The following DSCAML1 variants were observed in gnomAD, a reference collection of about 807,000 sequenced individuals.
DSCAML1 encodes the protein DS cell adhesion molecule like 1.
Under a neutral mutation model 200.5 loss-of-function variants are expected in DSCAML1, and 38 were observed. The observed-to-expected ratio is 0.19, with a 90% CI of 0.15 to 0.25. The LOEUF is 0.25. DSCAML1 is among the 10% of genes least tolerant of loss of function. The pLI is 1.00. For synonymous variants in DSCAML1, 1,215 were observed against 1,165.0 expected, an observed-to-expected ratio of 1.04 and a Z score of -0.87; for missense variants, 2,223 against 2,858.8, an observed-to-expected ratio of 0.78 and a Z score of 5.07.
chr11:117,501,857 G>A (rs1194206351), intron 11 of DSCAML1, among the ~76,000 whole-genome samples: 3 of 152,230 alleles, frequency 2.0e-5, no homozygotes, highest in South Asian at 2.1e-4. Flanking sequence ...GTAAGACACC[G>A]AGGCCTGCAG....
chr11:117,598,936 A>G (rs2051413151), intron 3 of DSCAML1, among the ~76,000 whole-genome samples: 2 of 152,286 alleles, frequency 1.3e-5, no homozygotes, highest in South Asian at 4.2e-4. Context: ...TGAAAGGATA[A>G]ATGCACTAAA....
At chr11:117,561,911 A>G (rs2050670288) in intron 3 of DSCAML1, among the ~76,000 whole-genome samples, 1 of 152,232 alleles carries the variant, frequency 6.6e-6, no homozygotes, top group Admixed American at 6.5e-5. Flanking sequence ...AATGCCTGGC[A>G]CCAATAGTCA....
intron 3 of DSCAML1, among the ~76,000 whole-genome samples, chr11:117,684,390 C>T (rs1422639674): frequency 5.7e-5 from 8 of 141,578 alleles, no homozygotes; most frequent in East Asian, 2.0e-4. Context: ...AACCCATCAG[C>T]GCTTGTTTTT....
rs1017778057 is a variant in DSCAML1 at position 117,428,744 on chromosome 11, C to T, written c.5746G>A (p.Gly1916Arg). ...KSEAFFRKAD[G>R]REPCPVVPPR... Reference sequence around the variant, plus strand: ...GGGACCACGGGGCAGGGCTCACGTCCATCTGCCTTTCGAAAGAAGGCCTCT... The same window carrying T: ...GGGACCACGGGGCAGGGCTCACGTCTATCTGCCTTTCGAAAGAAGGCCTCT... Residue 1916 changes from glycine (G) to arginine (R), a missense_variant, in exon 33 of 33, where the codon GGA (glycine) becomes AGA (arginine). By Grantham distance (125) the Gly-to-Arg change is moderately radical. Coordinates refer to ENST00000651296, the MANE Select transcript of DSCAML1 (RefSeq NM_020693.4). 1.9e-6 allele frequency: 3 copies of T among 1,612,668 alleles called. No homozygotes were observed. Among genetic ancestry groups the T allele is most frequent in the South Asian group, 1.1e-5 (1 of 90,608 alleles).
At chr11:117,650,276 G>T (rs2052603247) in intron 3 of DSCAML1, among the ~76,000 whole-genome samples, 1 of 152,210 alleles carries the variant, frequency 6.6e-6, no homozygotes, top group Non-Finnish European at 1.5e-5. Flanking sequence ...AGCTAGAGAT[G>T]CTTCACGTAT....
At position 117,649,041 on chromosome 11, in the gene DSCAML1, ATGTGTGTGTGTG is replaced by A. The variant is rs58257943; in HGVS notation, c.512-116531_512-116520del. Reference sequence around the variant, plus strand: ...TCTCGCTCTCTCTCTCTCCATATATATGTGTGTGTGTGTGTGTGTGTGTGTGTGTGTGTGTGT... The same window carrying A: ...TCTCGCTCTCTCTCTCTCCATATATATGTGTGTGTGTGTGTGTGTGTGTGT... On this transcript the variant is annotated intron_variant, in intron 3 of 32. Coordinates refer to ENST00000651296, the MANE Select transcript of DSCAML1 (RefSeq NM_020693.4). Among the ~76,000 whole-genome samples, 213 of 137,924 alleles carry A rather than the reference ATGTGTGTGTGTG, an allele frequency of 1.5e-3. 3 individuals are homozygous for A. The East Asian group carries it at 0.023, about 15-fold the overall frequency. 90.5% of individuals were successfully genotyped at this position (137,924 alleles called of 152,430 possible).
In DSCAML1 at chr11:117,518,162, G is replaced by A. The variant is rs2049812669; in HGVS notation, c.1510+304C>T. 6.6e-6 allele frequency among the ~76,000 whole-genome samples: 1 copy of A among 152,070 alleles called. No individual in the cohort carries two copies. The highest frequency in any genetic ancestry group is 1.5e-5 in the Non-Finnish European group (1 of 68,006). On this transcript the variant is annotated intron_variant, in intron 7 of 32. Transcript: ENST00000651296. This position sits in a 1 kb window ranked among gnomAD's most constrained non-coding sequence, Gnocchi z 6.3. ...TACTTGGGCCCCAGAGAGATTTGAT[G>A]GGGAGGAATGGGCTAGAGGGTAAGA...
chr11:117,469,339 G>A lies in DSCAML1; in HGVS notation c.3024+571C>T, dbSNP rs531252126. Among the ~76,000 whole-genome samples, 67 of 152,282 alleles carry A rather than the reference G, an allele frequency of 4.4e-4. No individual in the cohort carries two copies. The highest frequency in any genetic ancestry group is 6.5e-4 in the Non-Finnish European group (44 of 68,020). ...CAGAAGATGCCCATTTCTGAGTCCT[G>A]CTCAAGGTCATTCTGTTCTGTTTCC... On this transcript the variant is annotated intron_variant, in intron 16 of 32. Coordinates refer to ENST00000651296, the MANE Select transcript of DSCAML1 (RefSeq NM_020693.4). The surrounding 1 kb of genome is among the most constrained non-coding windows in gnomAD (Gnocchi z 4.1).
At chr11:117,589,251 C>T (rs932887054) in intron 3 of DSCAML1, among the ~76,000 whole-genome samples, 20 of 152,310 alleles carry the variant, frequency 1.3e-4, no homozygotes, top group Admixed American at 7.2e-4. Context: ...CTCTGCAGTG[C>T]GCCTTGGAGA....
At position 117,797,136 on chromosome 11, in the gene DSCAML1, C is replaced by T. The variant is rs201176316; in HGVS notation, c.-57G>A. On this transcript the variant is annotated 5_prime_UTR_variant, in exon 1 of 33. Coordinates refer to ENST00000651296, the MANE Select transcript of DSCAML1 (RefSeq NM_020693.4). ...GGTCCTGTGGCCGGCCGTGCGGCAG[C>T]GCCTCTCCCCCGCTCAGCGCGCTCC... 17 of 1,590,624 alleles carry T rather than the reference C, an allele frequency of 1.1e-5. No individual in the cohort carries two copies. In the Admixed American group the frequency reaches 1.6e-4, roughly 15 times the overall value.
At chr11:117,511,485 G>A (rs1202949265) in intron 8 of DSCAML1, among the ~76,000 whole-genome samples, 4 of 152,158 alleles carry the variant, frequency 2.6e-5, no homozygotes, top group Non-Finnish European at 5.9e-5. Context: ...TCAGCTACAG[G>A]TGGCCCTAAA....
chr11:117,517,550 G>T (rs992924417), intron 7 of DSCAML1, among the ~76,000 whole-genome samples: 2 of 152,216 alleles, frequency 1.3e-5, no homozygotes, highest in African/African-American at 2.4e-5. Flanking sequence ...CAGAGGAGAG[G>T]GCAGGAGGGT....
intron 11 of DSCAML1, among the ~76,000 whole-genome samples, chr11:117,492,661 G>A (rs987010102): frequency 6.6e-6 from 1 of 152,186 alleles, no homozygotes; most frequent in African/African-American, 2.4e-5. Flanking sequence ...GAGCTGCAGT[G>A]CTGTTTGGCG....
intron 1 of DSCAML1, among the ~76,000 whole-genome samples, chr11:117,791,998 G>T (rs1383048688): frequency 6.6e-6 from 1 of 152,230 alleles, no homozygotes; most frequent in Non-Finnish European, 1.5e-5. Flanking sequence ...GCCAGGATGT[G>T]AATGAAAGAT....
At chr11:117,578,757 G>A (rs989234978) in intron 3 of DSCAML1, among the ~76,000 whole-genome samples, 1 of 152,128 alleles carries the variant, frequency 6.6e-6, no homozygotes, top group Non-Finnish European at 1.5e-5. Flanking sequence ...TCTCTCCTAT[G>A]GCTGGAAGTC....
chr11:117,765,874 T>C (rs2054888548), intron 3 of DSCAML1, among the ~76,000 whole-genome samples: 1 of 152,094 alleles, frequency 6.6e-6, no homozygotes, highest in Admixed American at 6.6e-5. Flanking sequence ...ATTTTGCTTC[T>C]CTAAACAGCT....
intron 3 of DSCAML1, among the ~76,000 whole-genome samples, chr11:117,637,762 G>A (rs2052322245): frequency 6.6e-6 from 1 of 152,230 alleles, no homozygotes; most frequent in Non-Finnish European, 1.5e-5. Flanking sequence ...AAACAATTTA[G>A]AGGTCTTACT....
In DSCAML1 at chr11:117,433,179, AC is replaced by A; in HGVS notation, c.4984del (p.Val1662SerfsTer23). 6.2e-7 allele frequency: 1 copy of A among 1,614,052 alleles called. No individual in the cohort carries two copies. Among genetic ancestry groups the A allele is most frequent in the Non-Finnish European group, 8.5e-7 (1 of 1,180,002 alleles). ...TTCTTTGTCCTCGATGAGCAGCTGG[AC>A]CCTGGGGATGTCAATGTGTAGCCGT... ...GPRLHIDIPR[V>X]QLLIEDKEGI... is the part of the protein sequence containing the mutation. On this transcript the variant is annotated frameshift_variant, in exon 29 of 33. Coordinates refer to ENST00000651296, the MANE Select transcript of DSCAML1 (RefSeq NM_020693.4). LOFTEE classifies it high-confidence loss of function.
intron 1 of DSCAML1, among the ~76,000 whole-genome samples, chr11:117,782,111 A>C (rs182760636): frequency 2.6e-5 from 4 of 152,284 alleles, no homozygotes; most frequent in Admixed American, 2.6e-4. Context: ...TGCTTGTTTA[A>C]AGAACGTTGC....
Sources: gnomAD v4.1 joint callset for allele counts (sites outside exome capture counted in the v4.1 genomes callset) on GRCh38, gnomAD v4.1.1 for gene constraint, Gnocchi (gnomAD v3.1) non-coding constraint, MANE v1.5 for transcripts, NCBI Gene and HGNC (gene_info 2026-07-23, HGNC 2026-07-21) for gene names.